PTER: variants seen among roughly 807,000 people sequenced by gnomAD.
The protein encoded by PTER is N-acetyltaurine hydrolase.
Under a neutral mutation model 29.6 loss-of-function variants are expected in PTER, and 38 were observed. The observed-to-expected ratio is 1.28, with a 90% CI of 0.99 to 1.68. PTER has a LOEUF of 1.68. Ranked by LOEUF, PTER falls within the 40% of genes most tolerant of loss-of-function variation. The pLI is 0.00. For synonymous variants in PTER, 172 were observed against 154.5 expected, an observed-to-expected ratio of 1.11 and a Z score of -0.84; for missense variants, 482 against 427.8, an observed-to-expected ratio of 1.13 and a Z score of -1.12.
intron 3 of PTER, among the ~76,000 whole-genome samples, chr10:16,496,119 C>T (rs976131348): frequency 1.3e-5 from 2 of 152,192 alleles, no homozygotes; most frequent in African/African-American, 4.8e-5. Context: ...TACAAGCTCT[C>T]CTGTCCACTC....
At chr10:16,508,193 C>T (rs371255111) in intron 4 of PTER, among the ~76,000 whole-genome samples, 9 of 151,738 alleles carry the variant, frequency 5.9e-5, no homozygotes, top group Non-Finnish European at 1.0e-4. Flanking sequence ...CTCAGCCTCC[C>T]GAGTAGCTGG....
intron 1 of PTER, among the ~76,000 whole-genome samples, chr10:16,481,537 G>A (rs934284254): frequency 6.6e-6 from 1 of 152,118 alleles, no homozygotes; most frequent in Non-Finnish European, 1.5e-5. Context: ...TTCTTTAATC[G>A]TTTCTTATCC....
chr10:16,484,137 A>G lies in PTER; in HGVS notation c.-48-200A>G, dbSNP rs529379282. ...CTCCCAGTAGAAGGGGTGGGAGGCA[A>G]TTAACACCACGCACGTCACTTAGAT... On this transcript the variant is annotated intron_variant, in intron 1 of 4. Coordinates refer to ENST00000535784, the MANE Select transcript of PTER (RefSeq NM_001261836.2). Among the ~76,000 whole-genome samples, 4 of 152,268 alleles carry G rather than the reference A, an allele frequency of 2.6e-5. No homozygotes were observed. In the South Asian group the frequency reaches 6.2e-4, roughly 24 times the overall value.
chr10:16,477,065 C>G (rs564942532), intron 1 of PTER, among the ~76,000 whole-genome samples: 62 of 152,168 alleles, frequency 4.1e-4, no homozygotes, highest in East Asian at 1.9e-3. Flanking sequence ...ATCACCATGC[C>G]TGGCTAATTT....
At chr10:16,458,981 T>A (rs1834509189) in intron 1 of PTER, among the ~76,000 whole-genome samples, 1 of 152,148 alleles carries the variant, frequency 6.6e-6, no homozygotes, top group African/African-American at 2.4e-5. Flanking sequence ...TAGTCCATAT[T>A]CAAAATCAGA....
intron 3 of PTER, 162 bp downstream of exon 3, chr10:16,486,779 A>G: frequency 5.0e-6 from 4 of 805,054 alleles, no homozygotes; most frequent in Non-Finnish European, 7.5e-6. Context: ...GACATGAATA[A>G]AAGTCAATGC....
intron 1 of PTER, among the ~76,000 whole-genome samples, chr10:16,467,203 G>T (rs774396653): frequency 1.3e-5 from 2 of 152,104 alleles, no homozygotes; most frequent in Non-Finnish European, 2.9e-5. Context: ...GAGAGAAACC[G>T]CATTCACGTA....
At chr10:16,474,313 A>G (rs1287549154) in intron 1 of PTER, among the ~76,000 whole-genome samples, 1 of 152,212 alleles carries the variant, frequency 6.6e-6, no homozygotes, top group Non-Finnish European at 1.5e-5. Flanking sequence ...CTGGGGTACA[A>G]AAGTCAAGAA....
chr10:16,517,973 A>G (rs1054377590), downstream of PTER, among the ~76,000 whole-genome samples: 1 of 151,538 alleles, frequency 6.6e-6, no homozygotes, highest in Non-Finnish European at 1.5e-5. Flanking sequence ...GTCCAGAAGC[A>G]TTTCTCTCTC....
intron 1 of PTER, among the ~76,000 whole-genome samples, chr10:16,474,272 CA>C (rs562851238): frequency 3.4e-3 from 520 of 152,216 alleles, no homozygotes; most frequent in Non-Finnish European, 5.7e-3. Flanking sequence ...TGATAGTCTT[CA>C]AAAATATTTT....
chr10:16,485,329 TC>T (rs36002914), intron 2 of PTER, among the ~76,000 whole-genome samples: 1 of 152,182 alleles, frequency 6.6e-6, no homozygotes, highest in South Asian at 2.1e-4. Context: ...GAAAATTCAT[TC>T]CCCTGTGTTT....
intron 1 of PTER, among the ~76,000 whole-genome samples, chr10:16,468,650 C>A (rs966100830): frequency 1.3e-5 from 2 of 152,016 alleles, no homozygotes; most frequent in Non-Finnish European, 2.9e-5. Context: ...CTCACCGCAA[C>A]GAGCTCAAAG....
chr10:16,444,753 T>G lies in PTER; in HGVS notation c.-49+7706T>G, dbSNP rs74325634. On this transcript the variant is annotated intron_variant, in intron 1 of 4. Transcript: ENST00000535784. ...TGTGAAGGCACAGAAGGCCTCAGTT[T>G]GACATTATCTGTCCATATCTATAAT... Among the ~76,000 whole-genome samples, 27 of 152,290 alleles carry G rather than the reference T, an allele frequency of 1.8e-4. No individual in the cohort carries two copies. The East Asian group carries it at 4.6e-3, about 26-fold the overall frequency.
chr10:16,499,856 C>T (rs1836266200), intron 3 of PTER, among the ~76,000 whole-genome samples: 1 of 151,850 alleles, frequency 6.6e-6, no homozygotes, highest in African/African-American at 2.4e-5. Context: ...GTATGTATGT[C>T]TTGGTTTTTT....
intron 2 of PTER, among the ~76,000 whole-genome samples, chr10:16,485,537 C>G (rs1441313367): frequency 1.3e-5 from 2 of 152,138 alleles, no homozygotes; most frequent in East Asian, 3.9e-4. Context: ...AGGGTGTCAG[C>G]TCATTCTTTG....
rs192243847 is a variant in PTER at position 16,439,286 on chromosome 10, A to C, written c.-49+2239A>C. Among the ~76,000 whole-genome samples, 239 of 152,262 alleles carry C rather than the reference A, an allele frequency of 1.6e-3. 3 individuals are homozygous for C. The highest frequency in any genetic ancestry group is 9.2e-3 in the Admixed American group (141 of 15,282). On this transcript the variant is annotated intron_variant, in intron 1 of 4. Coordinates refer to ENST00000535784, the MANE Select transcript of PTER (RefSeq NM_001261836.2). ...GGGAAAGATCAGTTTCACTGGGCAA[A>C]TTTCCCCTTCCCTGTGAAGGACAGA...
At position 16,512,986 on chromosome 10, in the gene PTER, C is replaced by A. The variant is rs1372496439; in HGVS notation, c.*1730C>A. 6.6e-6 allele frequency: 1 copy of A among 152,392 alleles called. No individual in the cohort carries two copies. Among genetic ancestry groups the A allele is most frequent in the Non-Finnish European group, 1.5e-5 (1 of 67,956 alleles). The allele number at this position is 152,392 out of a possible 1,614,324, so 9.4% of individuals were successfully genotyped here. ...CTCTCCAAATCTACTGTACTGTCAGCTTCACTCCACCTGAGAAAAAAGAAA... is the reference window on the plus strand; with the variant it reads ...CTCTCCAAATCTACTGTACTGTCAGATTCACTCCACCTGAGAAAAAAGAAA... On this transcript the variant is annotated 3_prime_UTR_variant, in exon 5 of 5. Transcript: ENST00000535784.
intron 1 of PTER, chr10:16,437,374 G>C (rs1288690568): frequency 6.9e-6 from 1 of 145,520 alleles, no homozygotes; most frequent in Non-Finnish European, 1.5e-5. Flanking sequence ...GTCTGGCTCT[G>C]CTTCCCAGGC....
intron 4 of PTER, among the ~76,000 whole-genome samples, chr10:16,508,346 G>A (rs1836672490): frequency 6.6e-6 from 1 of 152,090 alleles, no homozygotes; most frequent in Non-Finnish European, 1.5e-5. Flanking sequence ...GGGATTACAT[G>A]TGTGAGCCAC....
Sources: gnomAD v4.1 joint callset for allele counts (sites outside exome capture counted in the v4.1 genomes callset) on GRCh38, gnomAD v4.1.1 for gene constraint, MANE v1.5 for transcripts, NCBI Gene and HGNC (gene_info 2026-07-23, HGNC 2026-07-21) for gene names.